DCAF15: variants seen among roughly 807,000 people sequenced by gnomAD.
DCAF15 encodes the protein DDB1- and CUL4-associated factor 15.
DCAF15 carries 24 observed loss-of-function variants against 68.0 expected under a neutral mutation model. That is an observed-to-expected ratio of 0.35 (90% CI 0.26 to 0.50). The LOEUF (loss-of-function observed/expected upper bound fraction) is 0.50. Among genes scored for constraint, DCAF15 ranks in the 20% least tolerant of loss-of-function variants. The pLI is 0.98. For missense variants in DCAF15, 627 were observed against 830.6 expected (o/e 0.75, Z 3.01); for synonymous variants, 376 against 341.6 (o/e 1.10, Z -1.11).
chr19:13,959,464 A>C lies in DCAF15; in HGVS notation c.1204A>C (p.Thr402Pro). Reference sequence around the variant, plus strand: ...CTATGTGCTGGAGTCCGGAGAGGGGACGGAGCCGGAGGATGGTGAGCGGGG... The same window carrying C: ...CTATGTGCTGGAGTCCGGAGAGGGGCCGGAGCCGGAGGATGGTGAGCGGGG... ...LYYVLESGEGTEPEDELEDDK... is the reference protein window; with the variant it reads ...LYYVLESGEGPEPEDELEDDK... Residue 402 changes from threonine (T) to proline (P), a missense_variant, in exon 7 of 13, where the codon ACG (threonine) becomes CCG (proline). Around this residue, in one of 3 missense-constraint regions of DCAF15, gnomAD observed 236 missense variants for 225.1 expected, o/e 1.05. Coordinates refer to ENST00000254337, the MANE Select transcript of DCAF15 (RefSeq NM_138353.4). 6.2e-7 allele frequency: 1 copy of C among 1,609,398 alleles called. No homozygotes were observed. Among genetic ancestry groups the C allele is most frequent in the Non-Finnish European group, 8.5e-7 (1 of 1,178,120 alleles).
chr19:13,952,725 C>T, intron 1 of DCAF15, 81 bp downstream of exon 1: 1 of 112,136 alleles, frequency 8.9e-6, no homozygotes, highest in Non-Finnish European at 1.4e-5. Flanking sequence ...AGGGCGTTCG[C>T]GGGGTGAGGG....
At chr19:13,957,207 A>G (rs1013939902) in intron 6 of DCAF15, among the ~76,000 whole-genome samples, 6 of 152,334 alleles carry the variant, frequency 3.9e-5, no homozygotes, top group African/African-American at 1.4e-4. Context: ...TATGTTTGAT[A>G]TCGGAAAGAT....
At chr19:13,952,718 G>A (rs1973116205) in intron 1 of DCAF15, 74 bp downstream of exon 1, 1 of 1,303,238 alleles carries the variant, frequency 7.7e-7, no homozygotes, top group Non-Finnish European at 9.7e-7. Context: ...AGGGAGGAGG[G>A]CGTTCGCGGG....
chr19:13,953,178 C>T (rs1973164426), intron 1 of DCAF15: 2 of 1,511,808 alleles, frequency 1.3e-6, no homozygotes, highest in Admixed American at 4.4e-5. Context: ...AGTCTTCCCC[C>T]GCAGAGTGAG....
At chr19:13,958,864 T>C (rs536825856) in intron 6 of DCAF15, among the ~76,000 whole-genome samples, 181 bp from the exon 7 acceptor site, 1 of 152,280 alleles carries the variant, frequency 6.6e-6, no homozygotes, top group East Asian at 1.9e-4. Context: ...TCTGCACGCA[T>C]GAATGCGTGG....
Position 13,954,669 on chromosome 19 carries a change from G to A in DCAF15, c.366+8G>A. ...CACAGCAAGCTCAAGCTGGTAGGGAGGCTTCAACACCAGGCTGGCCCTTCA... is the reference window on the plus strand; with the variant it reads ...CACAGCAAGCTCAAGCTGGTAGGGAAGCTTCAACACCAGGCTGGCCCTTCA... On this transcript the variant is annotated splice_region_variant and intron_variant, in intron 3 of 12. Transcript: ENST00000254337. 1 of 1,614,052 alleles carries A rather than the reference G, an allele frequency of 6.2e-7. No individual in the cohort carries two copies. The highest frequency in any genetic ancestry group is 1.1e-5 in the South Asian group (1 of 91,088).
At chr19:13,954,868 G>A (rs1228059339) in intron 3 of DCAF15, among the ~76,000 whole-genome samples, 2 of 152,218 alleles carry the variant, frequency 1.3e-5, no homozygotes, top group African/African-American at 4.8e-5. Flanking sequence ...CACTTTGGGA[G>A]GCCAAGGCGG....
intron 1 of DCAF15, chr19:13,952,883 G>A (rs1973135832): frequency 1.6e-6 from 1 of 636,812 alleles, no homozygotes; most frequent in Middle Eastern, 4.5e-4. Flanking sequence ...GATGGAGGGG[G>A]TTGGGGGCGG....
At chr19:13,959,544 G>T in intron 7 of DCAF15, 38 bp from the exon 8 acceptor site, 1 of 1,611,588 alleles carries the variant, frequency 6.2e-7, no homozygotes, top group South Asian at 1.1e-5. Context: ...GGGGCCCCTG[G>T]CCTCCCTCCA....
At position 13,960,467 on chromosome 19, in the gene DCAF15, G is replaced by A. The variant is rs1464833887; in HGVS notation, c.1634G>A (p.Gly545Asp). ...CCACTCACCCCCTGGCCCCGCAGCG[G>A]CAGTGTCTGGAGCTCCTACCGCAAG... ...DLTEVKGQTS[G>D]SVWSSYRKSC... Residue 545 changes from glycine (G) to aspartate (D), a missense_variant and splice_region_variant, in exon 12 of 13, where the codon GGC (glycine) becomes GAC (aspartate). By Grantham distance (94) the Gly-to-Asp change is moderately conservative. Coordinates refer to ENST00000254337, the MANE Select transcript of DCAF15 (RefSeq NM_138353.4). The A allele has an allele frequency of 1.2e-6, 2 of 1,611,370 alleles. No individual in the cohort carries two copies. Among genetic ancestry groups the A allele is most frequent in the Admixed American group, 3.4e-5 (2 of 59,634 alleles).
At chr19:13,955,602 G>A (rs1973326065) in intron 3 of DCAF15, among the ~76,000 whole-genome samples, 1 of 152,158 alleles carries the variant, frequency 6.6e-6, no homozygotes, top group Admixed American at 6.5e-5. Context: ...GAGGTGTGCT[G>A]TTACCTCAGC....
Position 13,960,172 on chromosome 19 carries a change from C to T in DCAF15, c.1526+103C>T, listed in dbSNP as rs1048207777. 30 of 1,567,132 alleles carry T rather than the reference C, an allele frequency of 1.9e-5. No homozygotes were observed. The East Asian group carries it at 6.5e-4, about 34-fold the overall frequency. On this transcript the variant is annotated intron_variant, in intron 10 of 12. Transcript: ENST00000254337. The stretch of plus-strand genomic sequence containing the variant: ...TGAGAAGGCTCTCCCTGTGCCACAA[C>T]CTGGCTGGGCCCCTCCATAGCTGTT...
intron 1 of DCAF15, 33 bp from the exon 2 acceptor site, chr19:13,954,307 G>A (rs777289700): frequency 5.0e-6 from 8 of 1,590,312 alleles, no homozygotes; most frequent in Non-Finnish European, 6.9e-6. Context: ...GCTGCAGATG[G>A]TGCCTGAAGT....
At chr19:13,953,256 T>A in intron 1 of DCAF15, 1 of 967,272 alleles carries the variant, frequency 1.0e-6, no homozygotes, top group Non-Finnish European at 1.5e-6. Context: ...ATGATGTCTC[T>A]CTCCCCCATC....
chr19:13,961,324 G>A lies in DCAF15; in HGVS notation c.*329G>A, dbSNP rs982415829. ...GGCTACAGCTGTGGACGTTGCCCTC[G>A]GGGAGGTCGAATGGACCCCATTCCC... On this transcript the variant is annotated 3_prime_UTR_variant, in exon 13 of 13. Transcript: ENST00000254337. 5 of 400,984 alleles carry A rather than the reference G, an allele frequency of 1.2e-5. No individual in the cohort carries two copies. Among genetic ancestry groups the A allele is most frequent in the African/African-American group, 2.0e-5 (1 of 49,536 alleles). 24.8% of individuals were successfully genotyped at this position (400,984 alleles called of 1,614,324 possible).
At position 13,956,204 on chromosome 19, in the gene DCAF15, G is replaced by A. The variant is rs77916080; in HGVS notation, c.555G>A (p.Val185=). 5.8e-3 allele frequency: 9,361 copies of A among 1,611,960 alleles called. 266 individuals carry two copies. In the African/African-American group the frequency reaches 0.075, roughly 13 times the overall value. The change falls in exon 5 of 13, where the codon GTG becomes GTA. Residue 185 remains valine (V), a synonymous_variant. Transcript: ENST00000254337. The stretch of plus-strand genomic sequence containing the variant: ...ACCGTGACATCTACGTCAGCACCGT[G>A]GCCGTGCCACCGCCAGGCCGCTGTG... ...ENHRDIYVST[V]AVPPPGRCAA... is the part of the protein sequence containing the mutation.
chr19:13,960,900 A>G (rs745891232), intron 12 of DCAF15, 40 bp from the exon 13 acceptor site: 11 of 1,613,270 alleles, frequency 6.8e-6, no homozygotes, highest in Non-Finnish European at 9.3e-6. Context: ...AGGGCCAGGC[A>G]GGCAGGGGCT....
Position 13,954,366 on chromosome 19 carries a change from C to G in DCAF15, c.159C>G (p.Leu53=), listed in dbSNP as rs758615186. Residue 53 remains leucine, a synonymous_variant, in exon 2 of 13, where the codon CTC becomes CTG. Coordinates refer to ENST00000254337, the MANE Select transcript of DCAF15 (RefSeq NM_138353.4). The stretch of plus-strand genomic sequence containing the variant: ...TCAGCGGACAGCTCTCCCCTCGCCT[C>G]TTCCGGAAGCTGCCTCCCCGGGTGT... ...VKISGQLSPR[L]FRKLPPRVCV... 1 of 1,613,716 alleles carries G rather than the reference C, an allele frequency of 6.2e-7. No individual in the cohort carries two copies. The highest frequency in any genetic ancestry group is 2.2e-5 in the East Asian group (1 of 44,870).
At chr19:13,957,645 T>C (rs1183527166) in intron 6 of DCAF15, among the ~76,000 whole-genome samples, 1 of 152,182 alleles carries the variant, frequency 6.6e-6, no homozygotes, top group East Asian at 1.9e-4. Context: ...CAGTGGCTCA[T>C]GCCTGTAATC....
Sources: gnomAD v4.1 joint callset for allele counts (sites outside exome capture counted in the v4.1 genomes callset) on GRCh38, gnomAD v4.1.1 for gene constraint, gnomAD v4.1.1 regional missense constraint, MANE v1.5 for transcripts, NCBI Gene and HGNC (gene_info 2026-07-23, HGNC 2026-07-21) for gene names.